RYR3: variants seen among roughly 807,000 people sequenced by gnomAD.
RYR3 encodes the protein brain ryanodine receptor-calcium release channel.
RYR3 carries 207 observed loss-of-function variants against 584.3 expected under a neutral mutation model. That is an observed-to-expected ratio of 0.35 (90% CI 0.32 to 0.40). The LOEUF (loss-of-function observed/expected upper bound fraction) is 0.40, where lower values mean the gene tolerates loss of function less well. Among genes scored for constraint, RYR3 ranks in the 10% least tolerant of loss-of-function variants. The probability of loss-of-function intolerance (pLI) is 1.00; values close to 1 mark genes in which losing one functional copy is unlikely to be tolerated. For missense variants in RYR3, 5,616 were observed against 6,089.2 expected (o/e 0.92, Z 2.59); for synonymous variants, 2,416 against 2,248.5 (o/e 1.07, Z -2.11).
At chr15:33,612,932 G>A (rs1442079255) in intron 18 of RYR3, among the ~76,000 whole-genome samples, 1 of 152,194 alleles carries the variant, frequency 6.6e-6, no homozygotes, top group African/African-American at 2.4e-5. Flanking sequence ...AGCAGCTTGA[G>A]CATTTCCCCT....
intron 10 of RYR3, among the ~76,000 whole-genome samples, chr15:33,560,517 A>G (rs1174406407): frequency 6.6e-6 from 1 of 151,708 alleles, no homozygotes; most frequent in Non-Finnish European, 1.5e-5. Context: ...TACCGTATTC[A>G]TTGATAGTTG....
rs554406204 is a variant in RYR3, at chr15:33,805,772, C to T, written c.10012-1783C>T. On this transcript the variant is annotated intron_variant, in intron 69 of 103. Transcript: ENST00000634891. ...GATTACAGGCTTGAGCCACCACACCCGGCCTTCTCTTTTGTTTTTATTCCC... is the reference window on the plus strand; with the variant it reads ...GATTACAGGCTTGAGCCACCACACCTGGCCTTCTCTTTTGTTTTTATTCCC... Among the ~76,000 whole-genome samples, 28 of 152,222 alleles carry T rather than the reference C, an allele frequency of 1.8e-4. No individual in the cohort carries two copies. In the East Asian group the frequency reaches 3.9e-3, roughly 21 times the overall value.
intron 99 of RYR3, 37 bp downstream of exon 99, chr15:33,857,951 T>C: frequency 6.7e-7 from 1 of 1,503,632 alleles, no homozygotes; most frequent in Non-Finnish European, 9.0e-7. Context: ...GCCCACCCAC[T>C]GCGGGGCCAC....
chr15:33,439,480 C>T (rs1312664095), intron 1 of RYR3, among the ~76,000 whole-genome samples: 1 of 152,110 alleles, frequency 6.6e-6, no homozygotes, highest in Non-Finnish European at 1.5e-5. Flanking sequence ...CTATTTGATT[C>T]AATTTGCCAT....
intron 45 of RYR3, among the ~76,000 whole-genome samples, chr15:33,725,997 A>C (rs1027983996): frequency 3.0e-5 from 4 of 132,100 alleles, no homozygotes; most frequent in African/African-American, 1.2e-4. Flanking sequence ...AAAAAAAAAA[A>C]CAGAATTCTA....
intron 19 of RYR3, among the ~76,000 whole-genome samples, chr15:33,620,316 G>A (rs1266119086): frequency 6.6e-6 from 1 of 152,018 alleles, no homozygotes; most frequent in Non-Finnish European, 1.5e-5. Flanking sequence ...TTATCGTTTG[G>A]CTTCCGAAAA....
chr15:33,435,033 G>A (rs1433459009), intron 1 of RYR3, among the ~76,000 whole-genome samples: 3 of 152,014 alleles, frequency 2.0e-5, no homozygotes. Context: ...TGTTAGCCAG[G>A]ATGGTCTCAA....
chr15:33,543,454 G>C (rs1476011756), intron 7 of RYR3, among the ~76,000 whole-genome samples, 168 bp from the exon 8 acceptor site: 1 of 152,068 alleles, frequency 6.6e-6, no homozygotes, highest in Non-Finnish European at 1.5e-5. Flanking sequence ...TGACTTTCCT[G>C]TCTTTTCTGC....
intron 66 of RYR3, among the ~76,000 whole-genome samples, chr15:33,786,372 G>A (rs2074708280): frequency 6.6e-6 from 1 of 151,994 alleles, no homozygotes; most frequent in African/African-American, 2.4e-5. Context: ...AAAACTCACT[G>A]CCATCTGACC....
rs201791791 is a variant in RYR3, at chr15:33,841,953, G to A, written c.13127G>A (p.Arg4376Gln). Residue 4376 changes from arginine (R) to glutamine (Q), a missense_variant, in exon 91 of 104, where the codon CGG (arginine) becomes CAG (glutamine). Around this residue, in one of 9 missense-constraint regions of RYR3, gnomAD observed 918 missense variants for 887.4 expected, o/e 1.03. Transcript: ENST00000634891. ...GAAGTGACAAAAAAGAAGAAGCGGC[G>A]GTGTGGTCAGAAGGTTGAGAAGCCG... ...WTEVTKKKKR[R>Q]CGQKVEKPEA... The A allele has an allele frequency of 9.3e-4, 1,482 of 1,601,788 alleles. 1 individual carries two copies. The highest frequency in any genetic ancestry group is 1.0e-3 in the Non-Finnish European group (1,217 of 1,174,060).
rs10534581 is a variant in RYR3 at position 33,705,101 on chromosome 15, T to TTCTCTCTCTCTCTCTCTCTCTCTC, written c.6484-1807_6484-1784dup. Reference sequence around the variant, plus strand: ...GCACACACACATGCACACACACTCTTTCTCTCTCTCTCTCTCTCTCTCTCT... The same window carrying TTCTCTCTCTCTCTCTCTCTCTCTC: ...GCACACACACATGCACACACACTCTTTCTCTCTCTCTCTCTCTCTCTCTCTCTCTCTCTCTCTCTCTCTCTCTCT... On this transcript the variant is annotated intron_variant, in intron 42 of 103. Transcript: ENST00000634891. 6.3e-4 allele frequency among the ~76,000 whole-genome samples: 89 copies of TTCTCTCTCTCTCTCTCTCTCTCTC among 142,208 alleles called. 1 individual carries two copies. Among genetic ancestry groups the TTCTCTCTCTCTCTCTCTCTCTCTC allele is most frequent in the African/African-American group, 2.3e-3 (85 of 36,990 alleles). 93.3% of individuals were successfully genotyped at this position (142,208 alleles called of 152,430 possible). A position where few individuals can be genotyped will look rare whatever the true frequency, so the allele number is the denominator to read the frequency against.
chr15:33,861,999 C>T (rs529528422), intron 102 of RYR3, among the ~76,000 whole-genome samples: 3 of 152,186 alleles, frequency 2.0e-5, no homozygotes, highest in Non-Finnish European at 2.9e-5. Context: ...ACTTATTCTA[C>T]GGTAAAGCAT....
chr15:33,495,903 C>T (rs1011985996), intron 2 of RYR3, among the ~76,000 whole-genome samples: 2 of 152,104 alleles, frequency 1.3e-5, no homozygotes, highest in African/African-American at 2.4e-5. Flanking sequence ...TATGTGTTAT[C>T]GATAATTGAT....
chr15:33,410,588 CT>C (rs2043332011), intron 1 of RYR3, among the ~76,000 whole-genome samples: 1 of 152,280 alleles, frequency 6.6e-6, no homozygotes, highest in African/African-American at 2.4e-5. Flanking sequence ...ACTTGATTGC[CT>C]TATTTTAATC....
At chr15:33,554,058 A>G (rs556751185) in intron 10 of RYR3, among the ~76,000 whole-genome samples, 2 of 152,106 alleles carry the variant, frequency 1.3e-5, no homozygotes, top group Non-Finnish European at 2.9e-5. Flanking sequence ...TCATGCTTTC[A>G]GGCGAGTGTC....
At chr15:33,641,541 C>T (rs1290893679) in intron 27 of RYR3, among the ~76,000 whole-genome samples, 1 of 152,196 alleles carries the variant, frequency 6.6e-6, no homozygotes, top group Non-Finnish European at 1.5e-5. Context: ...TCCTCTTAGC[C>T]AGGTGGAGGG....
Position 33,768,620 on chromosome 15 carries a change from C to G in RYR3, c.8706-38C>G, listed in dbSNP as rs747688014. 4 of 1,601,980 alleles carry G rather than the reference C, an allele frequency of 2.5e-6. No homozygotes were observed. The South Asian group carries it at 4.4e-5, about 18-fold the overall frequency. ...GGATACAAAGCGTGAGTCCTTTAAT[C>G]TCTGTGACTTTCTGAATTGCTTTCT... On this transcript the variant is annotated intron_variant, in intron 60 of 103. Transcript: ENST00000634891.
intron 18 of RYR3, among the ~76,000 whole-genome samples, chr15:33,611,829 T>A (rs2060205522): frequency 6.6e-6 from 1 of 152,026 alleles, no homozygotes; most frequent in Non-Finnish European, 1.5e-5. Flanking sequence ...CAGCTAATTT[T>A]TGTATCTTTA....
chr15:33,785,479 C>T (rs1005649362), intron 65 of RYR3, among the ~76,000 whole-genome samples, 183 bp from the exon 66 acceptor site: 2 of 152,166 alleles, frequency 1.3e-5, no homozygotes, highest in African/African-American at 4.8e-5. Flanking sequence ...ATAATGCAGC[C>T]TCTGGAAGCT....
Sources: allele counts gnomAD v4.1 joint callset (sites outside exome capture counted in the v4.1 genomes callset), GRCh38; gene constraint gnomAD v4.1.1; regional missense constraint gnomAD v4.1.1; transcripts MANE v1.5; gene names NCBI Gene and HGNC (gene_info 2026-07-23, HGNC 2026-07-21).